Variants in REV3L observed in about 807,000 individuals in gnomAD.
REV3L encodes the protein DNA polymerase zeta catalytic subunit.
In REV3L, 69 loss-of-function variants were observed where a neutral mutation model predicts 299.4. The observed-to-expected ratio is 0.23, with a 90% CI of 0.19 to 0.28. The LOEUF (loss-of-function observed/expected upper bound fraction) is 0.28, where lower values mean the gene tolerates loss of function less well. Ranked by LOEUF, REV3L falls within the 10% of genes least tolerant of loss-of-function variation. The pLI, the probability that REV3L is intolerant of heterozygous loss-of-function variation, is 1.00. For synonymous variants in REV3L, 1,238 were observed against 1,271.4 expected, an observed-to-expected ratio of 0.97 and a Z score of 0.56; for missense variants, 3,128 against 3,693.8, an observed-to-expected ratio of 0.85 and a Z score of 3.97.
intron 1 of REV3L, among the ~76,000 whole-genome samples, chr6:111,464,874 C>T (rs1188801852): frequency 8.6e-5 from 13 of 151,746 alleles, no homozygotes; most frequent in African/African-American, 2.9e-4. Context: ...TGGCAGCGTG[C>T]GCCTATAGTC....
At chr6:111,478,666 T>C (rs1793238841) in intron 1 of REV3L, among the ~76,000 whole-genome samples, 1 of 151,824 alleles carries the variant, frequency 6.6e-6, no homozygotes, top group Non-Finnish European at 1.5e-5. Flanking sequence ...TAGTTTCTTA[T>C]ATTTAATTTT....
Position 111,374,175 on chromosome 6 carries a change from A to C in REV3L, c.4180T>G (p.Leu1394Val). Residue 1394 changes from leucine to valine, a missense_variant, in exon 13 of 32, where the codon TTG (leucine) becomes GTG (valine). By Grantham distance (32) the Leu-to-Val change is conservative. This residue lies in a region of REV3L where 2,409 missense variants were observed against 2,611.8 expected (regional missense o/e 0.92). Transcript: ENST00000368802. ...DNANNIQRNY[L>V]SSIGKLSEYR... ...TCACTTAACTTTCCGATTGATGACA[A>C]ATAGTTTCTTTGTATATTATTTGCA... is the stretch of plus-strand genomic sequence containing the variant. 1 of 1,614,072 alleles carries C rather than the reference A, an allele frequency of 6.2e-7. No individual in the cohort carries two copies.
At chr6:111,411,595 T>C (rs1784255119) in intron 2 of REV3L, 41 bp from the exon 3 acceptor site, 6 of 1,297,814 alleles carry the variant, frequency 4.6e-6, no homozygotes, top group Admixed American at 2.1e-5. Flanking sequence ...TTTTCATAAT[T>C]CAGAGATGAA....
Position 111,310,050 on chromosome 6 carries a change from C to T in REV3L, c.8845G>A (p.Val2949Met). The change falls in exon 30 of 32, where the codon GTG (valine) becomes ATG (methionine). Residue 2949 changes from valine (V) to methionine (M), a missense_variant. This residue lies in a region of REV3L where 294 missense variants were observed against 377.0 expected (regional missense o/e 0.78). Transcript: ENST00000368802. ...GTCCCATAAATGATGACGTATGGCA[C>T]TCGCTCCCCAACCTGAGGCTCAGAG... ...RRSEPQVGER[V>M]PYVIIYGTPG... The T allele has an allele frequency of 1.2e-6, 2 of 1,605,552 alleles. 1 individual carries two copies. The highest frequency in any genetic ancestry group is 2.2e-5 in the South Asian group (2 of 89,722).
At position 111,375,611 on chromosome 6, in the gene REV3L, T is replaced by C; in HGVS notation, c.2744A>G (p.Asn915Ser). The change falls in exon 13 of 32, where the codon AAT becomes AGT. Residue 915 changes from asparagine to serine, a missense_variant. By Grantham distance (46) the Asn-to-Ser change is conservative. Coordinates refer to ENST00000368802, the MANE Select transcript of REV3L (RefSeq NM_001372078.1). The part of the protein sequence containing the change: ...ETEQSFGLYG[N>S]KYTLRAKRKV... ...GCGTTTGGCTCTAAGTGTGTATTTA[T>C]TTCCATATAGTCCAAAGGACTGCTC... is the stretch of plus-strand genomic sequence containing the variant. 1 of 1,613,864 alleles carries C rather than the reference T, an allele frequency of 6.2e-7. No individual in the cohort carries two copies. The highest frequency in any genetic ancestry group is 8.5e-7 in the Non-Finnish European group (1 of 1,179,896).
At chr6:111,394,419 G>T (rs1490420463) in intron 4 of REV3L, among the ~76,000 whole-genome samples, 1 of 152,010 alleles carries the variant, frequency 6.6e-6, no homozygotes, top group African/African-American at 2.4e-5. Flanking sequence ...TATACCTGCC[G>T]GCCATTTGTA....
intron 9 of REV3L, among the ~76,000 whole-genome samples, chr6:111,381,897 T>G (rs1780867937): frequency 1.3e-5 from 2 of 152,202 alleles, no homozygotes; most frequent in Non-Finnish European, 2.9e-5. Flanking sequence ...TATTGGACTC[T>G]CTTTTGAATG....
intron 1 of REV3L, among the ~76,000 whole-genome samples, chr6:111,419,293 G>T (rs1346831092): frequency 1.3e-5 from 2 of 152,068 alleles, no homozygotes; most frequent in Non-Finnish European, 2.9e-5. Flanking sequence ...TGATATAAGA[G>T]AAAATGAAAG....
chr6:111,435,123 C>A (rs1265051137), intron 1 of REV3L, among the ~76,000 whole-genome samples: 2 of 152,100 alleles, frequency 1.3e-5, no homozygotes, highest in Non-Finnish European at 2.9e-5. Flanking sequence ...GGGAGGATTG[C>A]CTGAGACCAG....
At chr6:111,394,510 A>C (rs1192235028) in intron 4 of REV3L, among the ~76,000 whole-genome samples, 2 of 152,096 alleles carry the variant, frequency 1.3e-5, no homozygotes, top group East Asian at 1.9e-4. Flanking sequence ...TCTGGAGATT[A>C]GTCTCATTTC....
Position 111,357,007 on chromosome 6 carries a change from AC to A in REV3L, c.7184+6del. ...AAACTGGAAAAATCAGATATACAAAACAATACCTCTTTATTATATTTGCAAT... is the reference window on the plus strand; with the variant it reads ...AAACTGGAAAAATCAGATATACAAAAAATACCTCTTTATTATATTTGCAAT... On this transcript the variant is annotated splice_donor_region_variant and intron_variant, in intron 18 of 31. Coordinates refer to ENST00000368802, the MANE Select transcript of REV3L (RefSeq NM_001372078.1). 6.7e-7 allele frequency: 1 copy of A among 1,495,104 alleles called. No homozygotes were observed. The highest frequency in any genetic ancestry group is 1.2e-5 in the South Asian group (1 of 80,972). 92.6% of individuals were successfully genotyped at this position (1,495,104 alleles called of 1,614,324 possible). A position where few individuals can be genotyped will look rare whatever the true frequency, so the allele number is the denominator to read the frequency against.
chr6:111,318,674 G>T (rs1477744784), intron 26 of REV3L, among the ~76,000 whole-genome samples: 1 of 151,558 alleles, frequency 6.6e-6, no homozygotes, highest in Non-Finnish European at 1.5e-5. Flanking sequence ...CAAGTCAAGC[G>T]ATTCTCCTGC....
At chr6:111,307,924 A>C in intron 30 of REV3L, 1 of 283,670 alleles carries the variant, frequency 3.5e-6, no homozygotes, top group South Asian at 3.3e-5. Context: ...TCCTAATGCT[A>C]TCCCTCCCCC....
chr6:111,376,788 C>A (rs538307741), intron 12 of REV3L, 31 bp from the exon 13 acceptor site: 1 of 1,474,166 alleles, frequency 6.8e-7, no homozygotes, highest in South Asian at 1.4e-5. Context: ...CAGTTTATTT[C>A]ATTTTACTCT....
chr6:111,330,366 A>G (rs980236038), intron 24 of REV3L: 41 of 443,726 alleles, frequency 9.2e-5, no homozygotes, highest in Non-Finnish European at 1.8e-4. Context: ...CCAAAAAAAA[A>G]ATCATTTGTA....
rs1254921696 is a variant in REV3L, at chr6:111,483,115, G to C, written c.-227C>G. On this transcript the variant is annotated 5_prime_UTR_variant, in exon 1 of 32. Coordinates refer to ENST00000368802, the MANE Select transcript of REV3L (RefSeq NM_001372078.1). ...GGGGCCGCAGGAGAGAAGCCCTCGA[G>C]CTTTCGTCGGTGCTGGTGCTGCCGC... The C allele has an allele frequency of 2.0e-6, 1 of 511,004 alleles. No individual in the cohort carries two copies. Among genetic ancestry groups the C allele is most frequent in the East Asian group, 3.5e-5 (1 of 28,452 alleles). 31.7% of individuals were successfully genotyped at this position (511,004 alleles called of 1,614,324 possible).
intron 18 of REV3L, among the ~76,000 whole-genome samples, chr6:111,355,375 A>G (rs995113503): frequency 2.6e-5 from 4 of 152,308 alleles, no homozygotes; most frequent in East Asian, 1.9e-4. Flanking sequence ...TATTCAAGAC[A>G]GAAACACAGT....
At chr6:111,380,306 T>G in intron 10 of REV3L, 87 bp from the exon 11 acceptor site, 2 of 969,280 alleles carry the variant, frequency 2.1e-6, no homozygotes, top group Non-Finnish European at 3.1e-6. Context: ...CAGGCTGGAG[T>G]TGGAGTGCAG....
chr6:111,354,095 G>T (rs1777844315), intron 18 of REV3L: 1 of 152,228 alleles, frequency 6.6e-6, no homozygotes, highest in Admixed American at 6.5e-5. Context: ...TAAGAATCGG[G>T]AAGATTCCTG....
Sources: allele counts gnomAD v4.1 joint callset (sites outside exome capture counted in the v4.1 genomes callset), GRCh38; gene constraint gnomAD v4.1.1; regional missense constraint gnomAD v4.1.1; transcripts MANE v1.5; gene names NCBI Gene and HGNC (gene_info 2026-07-23, HGNC 2026-07-21).